Variants in LMX1B observed in about 807,000 individuals in gnomAD.
LMX1B encodes LIM homeobox transcription factor 1-beta.
In LMX1B, 12 loss-of-function variants were observed where a neutral mutation model predicts 51.4. The ratio of observed to expected loss-of-function variants is 0.23; its 90% CI spans 0.15 to 0.38. The LOEUF is 0.38. Among genes scored for constraint, LMX1B ranks in the 10% least tolerant of loss-of-function variants. The pLI is 1.00. For synonymous variants in LMX1B, 237 were observed against 235.4 expected, an observed-to-expected ratio of 1.01 and a Z score of -0.06; for missense variants, 445 against 571.1, an observed-to-expected ratio of 0.78 and a Z score of 2.25.
rs2030198610 is a variant in LMX1B at position 126,693,225 on chromosome 9, G to A, written c.643G>A (p.Asp215Asn). The A allele has an allele frequency of 6.2e-7, 1 of 1,610,638 alleles. No individual in the cohort carries two copies. Among genetic ancestry groups the A allele is most frequent in the African/African-American group, 1.3e-5 (1 of 74,880 alleles). Residue 215 changes from aspartate (D) to asparagine (N), a missense_variant, in exon 4 of 8, where the codon GAC becomes AAC. Physicochemically the swap from Asp to Asn is conservative, Grantham distance 23 (BLOSUM62 1). Transcript: ENST00000373474. ...QSKGSGDDGK[D>N]PRRPKRPRTI... Reference sequence around the variant, plus strand: ...CAAGGGCAGCGGGGATGACGGGAAGGACCCGCGGAGGCCCAAGCGACCCCG... The same window carrying A: ...CAAGGGCAGCGGGGATGACGGGAAGAACCCGCGGAGGCCCAAGCGACCCCG...
At chr9:126,669,862 A>G (rs1206319949) in intron 2 of LMX1B, among the ~76,000 whole-genome samples, 1 of 152,058 alleles carries the variant, frequency 6.6e-6, no homozygotes, top group East Asian at 1.9e-4. Context: ...TTCCCCCAGG[A>G]TGGCCCCCAG....
In LMX1B at chr9:126,658,024, A is replaced by G. The variant is rs1042363359; in HGVS notation, c.327-32812A>G. On this transcript the variant is annotated intron_variant, in intron 2 of 7. Transcript: ENST00000373474. The surrounding 1 kb of genome is among the most constrained non-coding windows in gnomAD (Gnocchi z 4.0). ...AGAGGCTGGGCAAGAGGCCCTACTT[A>G]GGTCCTTGCTTGGGGGAATAAGCAG... Among the ~76,000 whole-genome samples the G allele has an allele frequency of 6.6e-6, 1 of 152,140 alleles. No homozygotes were observed. The highest frequency in any genetic ancestry group is 1.5e-5 in the Non-Finnish European group (1 of 68,022).
At chr9:126,682,894 GAAAAA>G (rs577172677) in intron 2 of LMX1B, among the ~76,000 whole-genome samples, 18 of 86,140 alleles carry the variant, frequency 2.1e-4, no homozygotes, top group South Asian at 1.0e-3. Flanking sequence ...CACTCTGTCT[GAAAAA>G]AAAAAAAAAA....
At chr9:126,621,769 AAT>A (rs1812412413) in intron 2 of LMX1B, among the ~76,000 whole-genome samples, 1 of 151,224 alleles carries the variant, frequency 6.6e-6, no homozygotes, top group African/African-American at 2.4e-5. Flanking sequence ...CTCTCAGAAA[AAT>A]GTTTCAAAGT....
Position 126,693,683 on chromosome 9 carries a change from C to T in LMX1B, c.820-63C>T, listed in dbSNP as rs976999534. On this transcript the variant is annotated intron_variant, in intron 5 of 7. Coordinates refer to ENST00000373474, the MANE Select transcript of LMX1B (RefSeq NM_001174147.2). ...AGCCAGAAGACTACGGTCCAGGGGGCGTGGGGCTGGCTGTGCCTGGGGGCG... is the reference window on the plus strand; with the variant it reads ...AGCCAGAAGACTACGGTCCAGGGGGTGTGGGGCTGGCTGTGCCTGGGGGCG... 31 of 1,590,550 alleles carry T rather than the reference C, an allele frequency of 1.9e-5. No individual in the cohort carries two copies. The African/African-American group carries it at 2.3e-4, about 12-fold the overall frequency.
chr9:126,696,429 A>G lies in LMX1B; in HGVS notation c.1187A>G (p.Gln396Arg). Residue 396 changes from glutamine (Q) to arginine (R), a missense_variant, in exon 8 of 8, where the codon CAG becomes CGG. This residue lies in a region of LMX1B where 162 missense variants were observed against 187.8 expected (regional missense o/e 0.86). Coordinates refer to ENST00000373474, the MANE Select transcript of LMX1B (RefSeq NM_001174147.2). ...CCCATCGACCGGCTCTACTCCATGCAGAGTTCCTACTTCGCCTCCTGAGAG... is the reference window on the plus strand; with the variant it reads ...CCCATCGACCGGCTCTACTCCATGCGGAGTTCCTACTTCGCCTCCTGAGAG... The part of the protein sequence containing the change: ...GNPIDRLYSM[Q>R]SSYFAS The G allele has an allele frequency of 6.2e-7, 1 of 1,613,994 alleles. No individual in the cohort carries two copies. The highest frequency in any genetic ancestry group is 1.1e-5 in the South Asian group (1 of 91,084).
At chr9:126,644,800 G>T (rs1414396752) in intron 2 of LMX1B, among the ~76,000 whole-genome samples, 1 of 152,170 alleles carries the variant, frequency 6.6e-6, no homozygotes, top group Non-Finnish European at 1.5e-5. Flanking sequence ...GCTGATGGAA[G>T]TTCCTGGCTG....
rs2030303849 is a variant in LMX1B, at chr9:126,695,787, A to G, written c.887-52A>G. 6.2e-7 allele frequency: 1 copy of G among 1,601,940 alleles called. No homozygotes were observed. Among genetic ancestry groups the G allele is most frequent in the East Asian group, 2.2e-5 (1 of 44,700 alleles). On this transcript the variant is annotated intron_variant, in intron 6 of 7. Coordinates refer to ENST00000373474, the MANE Select transcript of LMX1B (RefSeq NM_001174147.2). The surrounding 1 kb of genome is among the most constrained non-coding windows in gnomAD (Gnocchi z 5.2). The stretch of plus-strand genomic sequence containing the variant: ...TCAGAAGGGGAGGCTGCTGGGGTGT[A>G]GCTGGGAGGGCGTGGACCAGGCCAG...
chr9:126,674,401 C>A (rs562444953), intron 2 of LMX1B, among the ~76,000 whole-genome samples: 1 of 152,124 alleles, frequency 6.6e-6, no homozygotes, highest in Non-Finnish European at 1.5e-5. Flanking sequence ...GGGGGGCATT[C>A]AGGAACACCA....
chr9:126,631,345 G>A (rs532286404), intron 2 of LMX1B, among the ~76,000 whole-genome samples: 83 of 152,356 alleles, frequency 5.4e-4, no homozygotes, highest in African/African-American at 1.9e-3. Flanking sequence ...GGCACAGGGA[G>A]CATCAGGGAC....
rs2030275058 is a variant in LMX1B, at chr9:126,695,038, C to A, written c.887-801C>A. 6.6e-6 allele frequency among the ~76,000 whole-genome samples: 1 copy of A among 152,200 alleles called. No individual in the cohort carries two copies. The highest frequency in any genetic ancestry group is 2.1e-4 in the South Asian group (1 of 4,832). Reference sequence around the variant, plus strand: ...GTCACCTCTGACCTTCCCCATCCCACACTGCTGATCCACTGAGGTGCCAAG... The same window carrying A: ...GTCACCTCTGACCTTCCCCATCCCAAACTGCTGATCCACTGAGGTGCCAAG... On this transcript the variant is annotated intron_variant, in intron 6 of 7. Coordinates refer to ENST00000373474, the MANE Select transcript of LMX1B (RefSeq NM_001174147.2). This position sits in a 1 kb window ranked among gnomAD's most constrained non-coding sequence, Gnocchi z 5.2.
At chr9:126,623,425 G>C (rs948847460) in intron 2 of LMX1B, among the ~76,000 whole-genome samples, 15 of 152,224 alleles carry the variant, frequency 9.9e-5, no homozygotes, top group African/African-American at 3.4e-4. Flanking sequence ...AGGCATTGGC[G>C]TTTGTTGAGC....
intron 2 of LMX1B, among the ~76,000 whole-genome samples, chr9:126,645,544 A>G (rs1460862427): frequency 3.3e-5 from 5 of 152,222 alleles, no homozygotes; most frequent in African/African-American, 1.2e-4. Context: ...TGTTCAGTGA[A>G]CAACCTACAC....
chr9:126,674,010 G>A (rs775833938), intron 2 of LMX1B, among the ~76,000 whole-genome samples: 9 of 152,126 alleles, frequency 5.9e-5, no homozygotes, highest in East Asian at 1.9e-4. Context: ...TTAACCCCTC[G>A]TTGCCTGCAC....
rs1239056320 is a variant in LMX1B at position 126,641,516 on chromosome 9, T to C, written c.326+25947T>C. ...CCCTGCACTTAGCCATGGTGCCTGA[T>C]AGTATGGTCTTCTCGGGCCTGAGCT... On this transcript the variant is annotated intron_variant, in intron 2 of 7. Transcript: ENST00000373474. This position sits in a 1 kb window ranked among gnomAD's most constrained non-coding sequence, Gnocchi z 4.1. Among the ~76,000 whole-genome samples, 1 of 152,084 alleles carries C rather than the reference T, an allele frequency of 6.6e-6. No homozygotes were observed. The highest frequency in any genetic ancestry group is 1.5e-5 in the Non-Finnish European group (1 of 68,016).
chr9:126,679,199 G>A (rs996991140), intron 2 of LMX1B, among the ~76,000 whole-genome samples: 1 of 152,176 alleles, frequency 6.6e-6, no homozygotes, highest in African/African-American at 2.4e-5. Flanking sequence ...AAATCATATA[G>A]TGAAAGTTTC....
rs78287073 is a variant in LMX1B, at chr9:126,642,543, G to A, written c.326+26974G>A. ...GTCATCCCCCGAAGAGCCACCCCAG[G>A]TTGCCTGGAGGGGCTGGCCCTGCCT... On this transcript the variant is annotated intron_variant, in intron 2 of 7. Coordinates refer to ENST00000373474, the MANE Select transcript of LMX1B (RefSeq NM_001174147.2). Among the ~76,000 whole-genome samples the A allele has an allele frequency of 8.5e-3, 1,295 of 152,266 alleles. 17 individuals carry two copies. Among genetic ancestry groups the A allele is most frequent in the African/African-American group, 0.03 (1,239 of 41,544 alleles).
At chr9:126,665,167 G>T (rs914524042) in intron 2 of LMX1B, among the ~76,000 whole-genome samples, 1 of 152,176 alleles carries the variant, frequency 6.6e-6, no homozygotes, top group Admixed American at 6.5e-5. Context: ...ATGCCTTCGC[G>T]CCTCTCTGGC....
chr9:126,676,442 TG>T (rs1311664616), intron 2 of LMX1B, among the ~76,000 whole-genome samples: 1 of 152,120 alleles, frequency 6.6e-6, no homozygotes, highest in Admixed American at 6.5e-5. Flanking sequence ...CATCAGTATT[TG>T]GGGGAATGGA....
Sources: gnomAD v4.1 joint callset for allele counts (sites outside exome capture counted in the v4.1 genomes callset) on GRCh38, gnomAD v4.1.1 for gene constraint, gnomAD v4.1.1 regional missense constraint, Gnocchi (gnomAD v3.1) non-coding constraint, MANE v1.5 for transcripts, NCBI Gene and HGNC (gene_info 2026-07-23, HGNC 2026-07-21) for gene names.